The following PRKAR2A variants were observed in gnomAD, a reference collection of about 807,000 sequenced individuals.
PRKAR2A encodes cAMP-dependent protein kinase type II-alpha regulatory subunit.
Under a neutral mutation model 51.9 loss-of-function variants are expected in PRKAR2A, and 29 were observed. That is an observed-to-expected ratio of 0.56 (90% CI 0.42 to 0.76). The LOEUF is 0.76. Among genes scored for constraint, PRKAR2A ranks in the 30% least tolerant of loss-of-function variants. The pLI is 0.00. For missense variants in PRKAR2A, 445 were observed against 512.1 expected, an observed-to-expected ratio of 0.87 and a Z score of 1.26; for synonymous variants, 178 against 186.2, an observed-to-expected ratio of 0.96 and a Z score of 0.36.
chr3:48,781,759 C>T (rs1024129911), intron 5 of PRKAR2A, among the ~76,000 whole-genome samples: 1 of 152,060 alleles, frequency 6.6e-6, no homozygotes, highest in African/African-American at 2.4e-5. Flanking sequence ...GATCTGCCCG[C>T]CTCAGCCTCC....
chr3:48,744,848 T>A (rs559764169), downstream of PRKAR2A: 1 of 152,032 alleles, frequency 6.6e-6, no homozygotes, highest in Non-Finnish European at 1.5e-5. Flanking sequence ...GAGAAGGAAA[T>A]TATGTAAATA....
At chr3:48,753,213 A>ACT (rs2081691278) in intron 9 of PRKAR2A, among the ~76,000 whole-genome samples, 1 of 148,748 alleles carries the variant, frequency 6.7e-6, no homozygotes, top group Non-Finnish European at 1.5e-5. Context: ...GATTATAGGC[A>ACT]CTCCCCCCTC....
intron 1 of PRKAR2A, among the ~76,000 whole-genome samples, chr3:48,845,389 C>A (rs1417584774): frequency 6.6e-6 from 1 of 152,156 alleles, no homozygotes; most frequent in Non-Finnish European, 1.5e-5. Context: ...TGTGACCTCC[C>A]ACAGCAATGA....
In PRKAR2A at chr3:48,765,020, T is replaced by C; in HGVS notation, c.857A>G (p.Glu286Gly). The C allele has an allele frequency of 1.2e-5, 19 of 1,614,124 alleles. No individual in the cohort carries two copies. The highest frequency in any genetic ancestry group is 1.6e-5 in the Non-Finnish European group (19 of 1,179,978). ...VIGEKIYKDG[E>G]RIITQGEKAD... ...CTCACTCACCTGAGTGATTATGCGT[T>C]CTCCATCCTTATAGATCTTCTCTCC... The change falls in exon 8 of 11, where the codon GAA (glutamate) becomes GGA (glycine). Residue 286 changes from glutamate (E) to glycine (G), a missense_variant. Coordinates refer to ENST00000265563, the MANE Select transcript of PRKAR2A (RefSeq NM_004157.4).
intron 9 of PRKAR2A, among the ~76,000 whole-genome samples, chr3:48,755,993 G>C (rs1252211068): frequency 6.6e-6 from 1 of 151,742 alleles, no homozygotes; most frequent in Non-Finnish European, 1.5e-5. Flanking sequence ...TGTTAGCCAG[G>C]ATGGTTTCAA....
At chr3:48,814,659 T>C (rs2082843665) in intron 1 of PRKAR2A, among the ~76,000 whole-genome samples, 2 of 152,210 alleles carry the variant, frequency 1.3e-5, no homozygotes, top group Non-Finnish European at 2.9e-5. Flanking sequence ...GAGTCTGACA[T>C]GCACCAGAGT....
chr3:48,790,519 A>C (rs2082366568), intron 4 of PRKAR2A, 25 bp downstream of exon 4: 1 of 1,484,770 alleles, frequency 6.7e-7, no homozygotes, highest in East Asian at 2.4e-5. Flanking sequence ...CATTATAATA[A>C]AAATACTTTA....
At chr3:48,808,202 C>T (rs1485687208) in intron 1 of PRKAR2A, among the ~76,000 whole-genome samples, 1 of 151,428 alleles carries the variant, frequency 6.6e-6, no homozygotes, top group East Asian at 1.9e-4. Context: ...CGCCCGCCAC[C>T]ATGCCCGGCT....
chr3:48,756,230 C>A, intron 9 of PRKAR2A, 149 bp downstream of exon 9: 4 of 628,938 alleles, frequency 6.4e-6, no homozygotes, highest in Non-Finnish European at 1.1e-5. Flanking sequence ...TATGCTAAAT[C>A]TATACTAAAT....
chr3:48,828,725 A>G (rs2083113528), intron 1 of PRKAR2A, among the ~76,000 whole-genome samples: 2 of 151,260 alleles, frequency 1.3e-5, no homozygotes, highest in African/African-American at 2.4e-5. Flanking sequence ...AAAAAAAAAA[A>G]AAAAGAAAGA....
intron 2 of PRKAR2A, among the ~76,000 whole-genome samples, chr3:48,798,544 GAGTTCAAAACAAC>G (rs1211329325): frequency 2.9e-4 from 44 of 151,554 alleles, no homozygotes; most frequent in Non-Finnish European, 2.8e-4. Context: ...CTTGGTCTAA[GAGTTCAAAACAAC>G]TACTTAGAAT....
intron 4 of PRKAR2A, among the ~76,000 whole-genome samples, chr3:48,786,118 G>GTT (rs764615947): frequency 6.8e-6 from 1 of 146,006 alleles, no homozygotes. Flanking sequence ...CAGTTTTTTG[G>GTT]TTTTTTTTTG....
At chr3:48,795,349 A>T (rs990581614) in intron 2 of PRKAR2A, among the ~76,000 whole-genome samples, 9 of 152,118 alleles carry the variant, frequency 5.9e-5, no homozygotes, top group African/African-American at 2.2e-4. Context: ...AATTAGATAG[A>T]TAAGAAGGAC....
intron 5 of PRKAR2A, among the ~76,000 whole-genome samples, chr3:48,780,602 CAAAA>C (rs568780150): frequency 4.1e-5 from 2 of 49,352 alleles, no homozygotes; most frequent in South Asian, 6.5e-4. Flanking sequence ...GACTCCGTCT[CAAAA>C]AAAAAAAAAA....
chr3:48,800,734 A>G (rs2082576361), intron 2 of PRKAR2A, among the ~76,000 whole-genome samples: 2 of 151,680 alleles, frequency 1.3e-5, no homozygotes, highest in Admixed American at 1.3e-4. Context: ...ACAGCGGCGC[A>G]ATCTCCTCGG....
intron 10 of PRKAR2A, 50 bp from the exon 11 acceptor site, chr3:48,751,768 C>T: frequency 6.3e-7 from 1 of 1,575,898 alleles, no homozygotes; most frequent in Non-Finnish European, 8.7e-7. Context: ...AGCCATTTCC[C>T]TCATGCAAAC....
chr3:48,817,085 T>G (rs567456285), intron 1 of PRKAR2A, among the ~76,000 whole-genome samples: 3 of 151,928 alleles, frequency 2.0e-5, no homozygotes, highest in Admixed American at 2.0e-4. Context: ...TCCCAGCACT[T>G]TGGAAGGCTG....
At chr3:48,777,062 C>T (rs968645299) in intron 5 of PRKAR2A, among the ~76,000 whole-genome samples, 11 of 152,098 alleles carry the variant, frequency 7.2e-5, no homozygotes, top group Admixed American at 6.6e-5. Flanking sequence ...CTCCCTCCTT[C>T]GGTGCTGACG....
At chr3:48,771,044 G>A (rs2082021591) in intron 6 of PRKAR2A, among the ~76,000 whole-genome samples, 1 of 151,642 alleles carries the variant, frequency 6.6e-6, no homozygotes, top group Admixed American at 6.6e-5. Context: ...TGGCCAACAT[G>A]GTGAAACTCC....
Sources: gnomAD v4.1 joint callset for allele counts (sites outside exome capture counted in the v4.1 genomes callset) on GRCh38, gnomAD v4.1.1 for gene constraint, MANE v1.5 for transcripts, NCBI Gene and HGNC (gene_info 2026-07-23, HGNC 2026-07-21) for gene names.